The following FBXO15 variants were observed in gnomAD, a reference collection of about 807,000 sequenced individuals.
The protein encoded by FBXO15 is F-box protein 15.
A neutral mutation model predicts 49.5 loss-of-function variants in FBXO15; 30 were observed. That is an observed-to-expected ratio of 0.61 (90% CI 0.45 to 0.82). The LOEUF (loss-of-function observed/expected upper bound fraction) is 0.82. Among genes scored for constraint, FBXO15 ranks in the 40% least tolerant of loss-of-function variants. The pLI is 0.00. For missense variants in FBXO15, 591 were observed against 631.5 expected (o/e 0.94, Z 0.69); for synonymous variants, 250 against 232.7 (o/e 1.07, Z -0.68).
At chr18:74,143,950 G>A (rs1313819313) in intron 1 of FBXO15, among the ~76,000 whole-genome samples, 3 of 152,072 alleles carry the variant, frequency 2.0e-5, no homozygotes, top group Non-Finnish European at 4.4e-5. Flanking sequence ...GCTTACTATC[G>A]CTGGAATGAC....
At chr18:74,145,396 C>T (rs1202719923) in intron 1 of FBXO15, among the ~76,000 whole-genome samples, 1 of 152,062 alleles carries the variant, frequency 6.6e-6, no homozygotes, top group African/African-American at 2.4e-5. Flanking sequence ...GTTTACAAGG[C>T]TAAGGCTCTA....
chr18:74,081,867 A>C, intron 9 of FBXO15, 60 bp downstream of exon 9: 1 of 1,181,426 alleles, frequency 8.5e-7, no homozygotes, highest in East Asian at 2.6e-5. Flanking sequence ...ATATATAAAC[A>C]GACTTTTTAT....
At chr18:74,090,211 T>G (rs1425800896) in intron 8 of FBXO15, among the ~76,000 whole-genome samples, 1 of 152,190 alleles carries the variant, frequency 6.6e-6, no homozygotes, top group Non-Finnish European at 1.5e-5. Flanking sequence ...TGCATAGAGG[T>G]GCTCATAATA....
chr18:74,079,493 G>GAAATATA, intron 9 of FBXO15, among the ~76,000 whole-genome samples: 1 of 152,262 alleles, frequency 6.6e-6, no homozygotes, highest in South Asian at 2.1e-4. Flanking sequence ...GTAAGCCACT[G>GAAATATA]AAATATAGAA....
At chr18:74,141,583 T>C (rs958230175) in intron 1 of FBXO15, among the ~76,000 whole-genome samples, 3 of 151,932 alleles carry the variant, frequency 2.0e-5, no homozygotes, top group Admixed American at 6.6e-5. Flanking sequence ...AGGGCAACAA[T>C]TGGGAGCAAA....
chr18:74,147,635 C>T (rs1256321899), intron 1 of FBXO15, 35 bp downstream of exon 1: 2 of 1,378,802 alleles, frequency 1.5e-6, no homozygotes, highest in Non-Finnish European at 1.9e-6. Context: ...ACGGGCTTCC[C>T]GCCAGGGGAC....
chr18:74,095,421 T>C (rs1913233119), intron 8 of FBXO15, among the ~76,000 whole-genome samples: 1 of 152,200 alleles, frequency 6.6e-6, no homozygotes, highest in Non-Finnish European at 1.5e-5. Context: ...GAGGCCACTG[T>C]AGGATTATTA....
At chr18:74,090,131 C>T (rs1226714045) in intron 8 of FBXO15, among the ~76,000 whole-genome samples, 1 of 152,042 alleles carries the variant, frequency 6.6e-6, no homozygotes, top group Non-Finnish European at 1.5e-5. Context: ...CAATTTCTTC[C>T]TGGTTCAGTC....
intron 8 of FBXO15, among the ~76,000 whole-genome samples, chr18:74,092,314 G>C (rs1408778774): frequency 1.3e-5 from 2 of 152,084 alleles, no homozygotes; most frequent in African/African-American, 4.8e-5. Context: ...ATTGGGTTTT[G>C]ACATTCTTCT....
At chr18:74,125,426 G>C (rs149321249) in intron 6 of FBXO15, among the ~76,000 whole-genome samples, 34 of 152,350 alleles carry the variant, frequency 2.2e-4, no homozygotes, top group Non-Finnish European at 4.0e-4. Flanking sequence ...CTCAGAAACA[G>C]ATTTGTGAAC....
At chr18:74,131,692 G>A (rs563437060) in intron 3 of FBXO15, among the ~76,000 whole-genome samples, 4 of 152,242 alleles carry the variant, frequency 2.6e-5, no homozygotes, top group African/African-American at 4.8e-5. Flanking sequence ...CTGAGGCAGC[G>A]GTTAAAATCA....
At chr18:74,120,438 G>T (rs1158553630) in intron 8 of FBXO15, among the ~76,000 whole-genome samples, 2 of 152,134 alleles carry the variant, frequency 1.3e-5, no homozygotes, top group Admixed American at 6.5e-5. Flanking sequence ...ACAAATTTCA[G>T]TCACTTTTTA....
chr18:74,126,240 G>A (rs1301176919), intron 5 of FBXO15, 139 bp from the exon 6 acceptor site: 2 of 1,152,498 alleles, frequency 1.7e-6, no homozygotes. Context: ...ATGTTGGCAG[G>A]GTGAGGACAC....
chr18:74,139,279 T>C lies in FBXO15; in HGVS notation c.227+923A>G, dbSNP rs536676485. Reference sequence around the variant, plus strand: ...TAATCATCAGCTTCATGAGAACATGTGAGTGGCTCACCATTTCTGTCCCAG... The same window carrying C: ...TAATCATCAGCTTCATGAGAACATGCGAGTGGCTCACCATTTCTGTCCCAG... On this transcript the variant is annotated intron_variant, in intron 2 of 9. Coordinates refer to ENST00000419743, the MANE Select transcript of FBXO15 (RefSeq NM_001142958.2). Among the ~76,000 whole-genome samples the C allele has an allele frequency of 2.6e-5, 4 of 152,344 alleles. No individual in the cohort carries two copies. The East Asian group carries it at 5.8e-4, about 22-fold the overall frequency.
At chr18:74,107,298 A>G (rs1023259812) in intron 8 of FBXO15, among the ~76,000 whole-genome samples, 1 of 152,058 alleles carries the variant, frequency 6.6e-6, no homozygotes, top group Non-Finnish European at 1.5e-5. Context: ...CAAATACCGC[A>G]TGATCCCACT....
At chr18:74,083,510 G>A (rs569019926) in intron 8 of FBXO15, among the ~76,000 whole-genome samples, 7 of 152,328 alleles carry the variant, frequency 4.6e-5, no homozygotes, top group South Asian at 2.1e-4. Flanking sequence ...GCAGGCAGCC[G>A]ACGGCGCCTA....
intron 8 of FBXO15, among the ~76,000 whole-genome samples, chr18:74,104,835 T>C (rs938138542): frequency 1.3e-5 from 2 of 152,164 alleles, no homozygotes; most frequent in South Asian, 2.1e-4. Context: ...ACAGTAATAA[T>C]AGAGTGCTTT....
At chr18:74,111,726 G>T (rs926876190) in intron 8 of FBXO15, among the ~76,000 whole-genome samples, 1 of 151,948 alleles carries the variant, frequency 6.6e-6, no homozygotes, top group African/African-American at 2.4e-5. Flanking sequence ...GAAGATCAAT[G>T]CAGAAAAATC....
chr18:74,124,625 C>G, intron 6 of FBXO15, 54 bp from the exon 7 acceptor site: 2 of 1,473,420 alleles, frequency 1.4e-6, no homozygotes, highest in Non-Finnish European at 1.9e-6. Flanking sequence ...TTACATTTTT[C>G]ACAAGATCAT....
Sources: allele counts gnomAD v4.1 joint callset (sites outside exome capture counted in the v4.1 genomes callset), GRCh38; gene constraint gnomAD v4.1.1; transcripts MANE v1.5; gene names NCBI Gene and HGNC (gene_info 2026-07-23, HGNC 2026-07-21).